ZDHHC21: variants seen among roughly 807,000 people sequenced by gnomAD.
The protein encoded by ZDHHC21 is zDHHC palmitoyltransferase 21, also known as palmitoyltransferase ZDHHC21.
In ZDHHC21, 15 loss-of-function variants were observed where a neutral mutation model predicts 34.6. The observed-to-expected ratio is 0.43, with a 90% CI of 0.29 to 0.67. The LOEUF (loss-of-function observed/expected upper bound fraction) is 0.67, where lower values mean the gene tolerates loss of function less well. Ranked by LOEUF, ZDHHC21 falls within the 30% of genes least tolerant of loss-of-function variation. The pLI, the probability that ZDHHC21 is intolerant of heterozygous loss-of-function variation, is 0.14. For missense variants in ZDHHC21, 344 were observed against 327.7 expected (o/e 1.05, Z -0.38); for synonymous variants, 142 against 101.8 (o/e 1.40, Z -2.38).
At chr9:14,678,947 GGA>G (rs777632796) in intron 3 of ZDHHC21, among the ~76,000 whole-genome samples, 70 of 152,130 alleles carry the variant, frequency 4.6e-4, no homozygotes, top group Middle Eastern at 3.4e-3. Flanking sequence ...CATTAGGAGT[GGA>G]GAGGGAACAG....
In ZDHHC21 at chr9:14,615,428, T is replaced by A. The variant is rs1823998026; in HGVS notation, c.*3538A>T. ...ATTACGTATTATGTTCTCTATTTCATTATTAAAAATAAACCATGCTTTTTT... is the reference window on the plus strand; with the variant it reads ...ATTACGTATTATGTTCTCTATTTCAATATTAAAAATAAACCATGCTTTTTT... On this transcript the variant is annotated 3_prime_UTR_variant, in exon 10 of 10. Coordinates refer to ENST00000380916, the MANE Select transcript of ZDHHC21 (RefSeq NM_178566.6). 1 of 151,796 alleles carries A rather than the reference T, an allele frequency of 6.6e-6. No individual in the cohort carries two copies. Among genetic ancestry groups the A allele is most frequent in the South Asian group, 2.1e-4 (1 of 4,830 alleles). The allele number at this position is 151,796 out of a possible 1,614,324, so 9.4% of individuals were successfully genotyped here.
downstream of ZDHHC21, among the ~76,000 whole-genome samples, chr9:14,607,135 T>A (rs1278388428): frequency 1.4e-5 from 2 of 146,482 alleles, no homozygotes; most frequent in African/African-American, 2.5e-5. Context: ...AATGGTTAAA[T>A]AATAGTTTAT....
rs78865236 is a variant in ZDHHC21, at chr9:14,622,228, T to C, written c.622-2546A>G. On this transcript the variant is annotated intron_variant, in intron 8 of 9. Coordinates refer to ENST00000380916, the MANE Select transcript of ZDHHC21 (RefSeq NM_178566.6). ...GATTTACTATTTTAAAAACTGGATGTTCTTAAAAATAATGAACTAGAAACA... is the reference window on the plus strand; with the variant it reads ...GATTTACTATTTTAAAAACTGGATGCTCTTAAAAATAATGAACTAGAAACA... Among the ~76,000 whole-genome samples, 1,098 of 152,220 alleles carry C rather than the reference T, an allele frequency of 7.2e-3. 46 individuals are homozygous for C. The highest frequency in any genetic ancestry group is 0.049 in the Admixed American group (754 of 15,270).
At chr9:14,688,986 G>A (rs1038722194) in intron 2 of ZDHHC21, among the ~76,000 whole-genome samples, 2 of 152,156 alleles carry the variant, frequency 1.3e-5, no homozygotes, top group African/African-American at 4.8e-5. Context: ...GGAGACCAAG[G>A]CTGCAGTGAG....
At chr9:14,660,601 T>C (rs1477004341) in intron 6 of ZDHHC21, among the ~76,000 whole-genome samples, 1 of 152,112 alleles carries the variant, frequency 6.6e-6, no homozygotes, top group Admixed American at 6.5e-5. Context: ...AATTCCTGAA[T>C]CTCTTTAGGT....
At chr9:14,623,244 G>A (rs1464240798) in intron 8 of ZDHHC21, among the ~76,000 whole-genome samples, 1 of 152,108 alleles carries the variant, frequency 6.6e-6, no homozygotes, top group Admixed American at 6.5e-5. Flanking sequence ...TGGGTGCGGT[G>A]GCTCACGCCA....
At chr9:14,632,857 G>A (rs1204903103) in intron 8 of ZDHHC21, among the ~76,000 whole-genome samples, 1 of 151,942 alleles carries the variant, frequency 6.6e-6, no homozygotes, top group East Asian at 1.9e-4. Flanking sequence ...AGATCACCAG[G>A]GAAATGCAAA....
At chr9:14,678,663 T>C (rs987202006) in intron 3 of ZDHHC21, among the ~76,000 whole-genome samples, 7 of 152,088 alleles carry the variant, frequency 4.6e-5, no homozygotes, top group African/African-American at 9.7e-5. Context: ...GTTTTATTTT[T>C]AGTATTACCT....
intron 8 of ZDHHC21, among the ~76,000 whole-genome samples, chr9:14,621,502 T>C (rs577727803): frequency 3.4e-4 from 52 of 152,256 alleles, no homozygotes; most frequent in African/African-American, 1.2e-3. Context: ...AAATACTATC[T>C]ATTAAATCAT....
chr9:14,686,236 A>C (rs1256356705), intron 2 of ZDHHC21, among the ~76,000 whole-genome samples: 1 of 152,086 alleles, frequency 6.6e-6, no homozygotes, highest in Admixed American at 6.6e-5. Flanking sequence ...AAAAAGAAAG[A>C]AGAAATTAAA....
At chr9:14,589,322 C>T in the ZDHHC21 span, 1 of 152,168 alleles carries the variant, frequency 6.6e-6, no homozygotes, top group African/African-American at 2.4e-5. Context: ...CATTCTCACA[C>T]ATTGGCTGAC....
chr9:14,681,875 G>C (rs1837442972), intron 2 of ZDHHC21, among the ~76,000 whole-genome samples: 1 of 151,962 alleles, frequency 6.6e-6, no homozygotes, highest in Non-Finnish European at 1.5e-5. Context: ...AAGAGAACGG[G>C]GGCCAATATT....
chr9:14,674,051 T>C (rs1835916901), intron 4 of ZDHHC21, 136 bp downstream of exon 4: 1 of 484,362 alleles, frequency 2.1e-6, no homozygotes, highest in African/African-American at 2.0e-5. Flanking sequence ...CATAAATTAG[T>C]AAATAACTGA....
chr9:14,592,699 C>T, the ZDHHC21 span, among the ~76,000 whole-genome samples: 2 of 152,088 alleles, frequency 1.3e-5, no homozygotes, highest in Non-Finnish European at 1.5e-5. Flanking sequence ...CTGTAACCTA[C>T]TACTATCAGA....
intron 1 of ZDHHC21, among the ~76,000 whole-genome samples, chr9:14,691,834 G>A (rs760007207): frequency 2.0e-5 from 3 of 152,040 alleles, no homozygotes; most frequent in East Asian, 1.9e-4. Flanking sequence ...CTAATACTTC[G>A]TATATGTTTT....
chr9:14,657,988 T>C (rs1165347137), intron 7 of ZDHHC21, among the ~76,000 whole-genome samples: 1 of 152,206 alleles, frequency 6.6e-6, no homozygotes, highest in Non-Finnish European at 1.5e-5. Flanking sequence ...AGTCCTAGCA[T>C]GCATTATATT....
intron 7 of ZDHHC21, among the ~76,000 whole-genome samples, chr9:14,649,065 C>G (rs1195311050): frequency 6.6e-6 from 1 of 151,886 alleles, no homozygotes; most frequent in Non-Finnish European, 1.5e-5. Context: ...TTAGCAGAAT[C>G]CCTGGCCTCC....
At position 14,619,760 on chromosome 9, in the gene ZDHHC21, T is replaced by C. The variant is rs58289485; in HGVS notation, c.622-78A>G. On this transcript the variant is annotated intron_variant, in intron 8 of 9. Coordinates refer to ENST00000380916, the MANE Select transcript of ZDHHC21 (RefSeq NM_178566.6). ...TTCTGTATCCACTCTATCATGTTTT[T>C]AATCTTATTCCAAAAATATTCTATA... 5.2e-4 allele frequency: 440 copies of C among 847,728 alleles called. 1 individual carries two copies. The African/African-American group carries it at 7.2e-3, about 14-fold the overall frequency. 52.5% of individuals were successfully genotyped at this position (847,728 alleles called of 1,614,324 possible).
chr9:14,643,234 T>G (rs940344812), intron 7 of ZDHHC21, among the ~76,000 whole-genome samples: 1 of 151,528 alleles, frequency 6.6e-6, no homozygotes, highest in Admixed American at 6.6e-5. Context: ...GGCAACAGAG[T>G]GAGACTCTGT....
Sources: gnomAD v4.1 joint callset for allele counts (sites outside exome capture counted in the v4.1 genomes callset) on GRCh38, gnomAD v4.1.1 for gene constraint, MANE v1.5 for transcripts, NCBI Gene and HGNC (gene_info 2026-07-23, HGNC 2026-07-21) for gene names.